KCNQ5: variants seen among roughly 807,000 people sequenced by gnomAD.
KCNQ5 encodes the protein potassium voltage-gated channel subfamily KQT member 5.
In KCNQ5, 30 loss-of-function variants were observed where a neutral mutation model predicts 98.2. The ratio of observed to expected loss-of-function variants is 0.31; its 90% CI spans 0.23 to 0.41. The LOEUF is 0.41. Among genes scored for constraint, KCNQ5 ranks in the 10% least tolerant of loss-of-function variants. The pLI, the probability that KCNQ5 is intolerant of heterozygous loss-of-function variation, is 1.00. For missense variants in KCNQ5, 835 were observed against 1,182.5 expected (o/e 0.71, Z 4.31); for synonymous variants, 458 against 449.4 (o/e 1.02, Z -0.24).
chr6:72,648,179 G>C (rs1231421126), intron 1 of KCNQ5, among the ~76,000 whole-genome samples: 1 of 152,126 alleles, frequency 6.6e-6, no homozygotes, highest in African/African-American at 2.4e-5. Context: ...CTATTGAGAT[G>C]GATGAGGCTG....
intron 2 of KCNQ5, among the ~76,000 whole-genome samples, chr6:73,030,380 T>C (rs951725167): frequency 7.2e-5 from 11 of 152,202 alleles, no homozygotes; most frequent in African/African-American, 2.2e-4. Flanking sequence ...TGAGTTTCAA[T>C]ATCAAGTTCT....
At chr6:73,051,123 A>G (rs1772214601) in intron 3 of KCNQ5, among the ~76,000 whole-genome samples, 1 of 152,234 alleles carries the variant, frequency 6.6e-6, no homozygotes, top group Non-Finnish European at 1.5e-5. Flanking sequence ...AGAAACTGCC[A>G]AACTATTTCC....
chr6:72,658,578 A>ATTTTT (rs1219877866), intron 1 of KCNQ5, among the ~76,000 whole-genome samples: 28 of 76,354 alleles, frequency 3.7e-4, no homozygotes, highest in Non-Finnish European at 5.7e-4. Context: ...ATATATATAT[A>ATTTTT]TTTTTTTTTT....
At chr6:73,109,857 C>T (rs1372277675) in intron 6 of KCNQ5, among the ~76,000 whole-genome samples, 4 of 152,130 alleles carry the variant, frequency 2.6e-5, no homozygotes, top group Admixed American at 6.5e-5. Context: ...TCATTGCTCA[C>T]GAATAGCAAA....
At chr6:72,765,428 A>G (rs1257220164) in intron 1 of KCNQ5, among the ~76,000 whole-genome samples, 1 of 152,058 alleles carries the variant, frequency 6.6e-6, no homozygotes, top group Non-Finnish European at 1.5e-5. Context: ...CAAAATGACC[A>G]ACGTCTACTT....
At chr6:73,130,975 AT>A (rs1241281208) in intron 9 of KCNQ5, among the ~76,000 whole-genome samples, 3 of 152,204 alleles carry the variant, frequency 2.0e-5, no homozygotes, top group Non-Finnish European at 2.9e-5. Context: ...AATAATAGAC[AT>A]TAGCAAATAT....
intron 1 of KCNQ5, among the ~76,000 whole-genome samples, chr6:72,834,789 A>G (rs1291447849): frequency 6.6e-6 from 1 of 152,070 alleles, no homozygotes; most frequent in Non-Finnish European, 1.5e-5. Flanking sequence ...ATCCCAGATA[A>G]TATTCCAGCA....
At chr6:73,163,094 A>G (rs563876897) in intron 10 of KCNQ5, among the ~76,000 whole-genome samples, 1 of 152,330 alleles carries the variant, frequency 6.6e-6, no homozygotes, top group East Asian at 1.9e-4. Flanking sequence ...TTATTGTAAA[A>G]TCAAAATGTG....
At chr6:72,660,500 T>C (rs577567903) in intron 1 of KCNQ5, among the ~76,000 whole-genome samples, 1 of 152,322 alleles carries the variant, frequency 6.6e-6, no homozygotes, top group Non-Finnish European at 1.5e-5. Flanking sequence ...AAGGACAGCT[T>C]TGTAATGAAG....
intron 1 of KCNQ5, among the ~76,000 whole-genome samples, chr6:72,743,325 A>G (rs1266230035): frequency 6.6e-6 from 1 of 151,618 alleles, no homozygotes; most frequent in Non-Finnish European, 1.5e-5. Flanking sequence ...TATAATATAC[A>G]TTATGTATTT....
chr6:72,897,440 G>A (rs1046194641), intron 1 of KCNQ5, among the ~76,000 whole-genome samples: 5 of 152,106 alleles, frequency 3.3e-5, no homozygotes, highest in African/African-American at 9.7e-5. Context: ...TTCTTGGGAG[G>A]CTGAAGCAGG....
At chr6:72,794,121 C>T (rs921703064) in intron 1 of KCNQ5, among the ~76,000 whole-genome samples, 2 of 152,310 alleles carry the variant, frequency 1.3e-5, no homozygotes, top group Middle Eastern at 3.4e-3. Context: ...CACACAAATT[C>T]ACATGCATAT....
chr6:73,004,439 A>C (rs1769728775), intron 2 of KCNQ5, among the ~76,000 whole-genome samples: 1 of 152,198 alleles, frequency 6.6e-6, no homozygotes, highest in Non-Finnish European at 1.5e-5. Context: ...GGCACCTCAT[A>C]AGAAAATAGA....
intron 1 of KCNQ5, among the ~76,000 whole-genome samples, chr6:72,750,704 G>A (rs181280308): frequency 1.1e-4 from 16 of 152,060 alleles, no homozygotes; most frequent in Admixed American, 8.5e-4. Context: ...AGTTAAAAAT[G>A]CTTTGAATAA....
intron 1 of KCNQ5, among the ~76,000 whole-genome samples, chr6:72,629,417 C>A (rs1277314300): frequency 6.6e-6 from 1 of 152,030 alleles, no homozygotes; most frequent in African/African-American, 2.4e-5. Flanking sequence ...CTTTAGAAAT[C>A]TAAACAATGC....
chr6:73,000,183 A>G (rs1419507638), intron 1 of KCNQ5, among the ~76,000 whole-genome samples: 1 of 152,082 alleles, frequency 6.6e-6, no homozygotes, highest in Non-Finnish European at 1.5e-5. Context: ...AAAACCACAC[A>G]CACAAACCTC....
chr6:72,741,649 A>G (rs1176267776), intron 1 of KCNQ5, among the ~76,000 whole-genome samples: 1 of 152,190 alleles, frequency 6.6e-6, no homozygotes, highest in Admixed American at 6.5e-5. Flanking sequence ...GGAAAGACAT[A>G]CCTTAGATGA....
chr6:73,128,674 C>T (rs1435198808), intron 9 of KCNQ5, among the ~76,000 whole-genome samples: 1 of 152,168 alleles, frequency 6.6e-6, no homozygotes, highest in African/African-American at 2.4e-5. Flanking sequence ...TCTTAATCAA[C>T]AATGGTTGGC....
chr6:72,925,680 A>G (rs978107586), intron 1 of KCNQ5, among the ~76,000 whole-genome samples: 5 of 152,192 alleles, frequency 3.3e-5, no homozygotes, highest in Non-Finnish European at 5.9e-5. Flanking sequence ...GTTAAAAAAC[A>G]AAGTGGGCTT....
Sources: gnomAD v4.1 joint callset for allele counts (sites outside exome capture counted in the v4.1 genomes callset) on GRCh38, gnomAD v4.1.1 for gene constraint, MANE v1.5 for transcripts, NCBI Gene and HGNC (gene_info 2026-07-23, HGNC 2026-07-21) for gene names.